PRDM11: variants seen among roughly 807,000 people sequenced by gnomAD.
PRDM11 encodes the protein PR domain-containing protein 11.
PRDM11 carries 20 observed loss-of-function variants against 97.8 expected under a neutral mutation model. That is an observed-to-expected ratio of 0.20 (90% CI 0.14 to 0.30). PRDM11 has a LOEUF of 0.30. PRDM11 is among the 10% of genes least tolerant of loss of function. PRDM11 has a pLI of 1.00. For missense variants in PRDM11, 1,139 were observed against 1,555.2 expected (o/e 0.73, Z 4.50); for synonymous variants, 599 against 637.7 (o/e 0.94, Z 0.91).
At chr11:45,158,045 C>G (rs1008399633) in intron 1 of PRDM11, among the ~76,000 whole-genome samples, 1 of 152,196 alleles carries the variant, frequency 6.6e-6, no homozygotes. Flanking sequence ...AGGGCTGAGA[C>G]CTGCCTCTGT....
chr11:45,185,660 G>A (rs1852677795), intron 4 of PRDM11, among the ~76,000 whole-genome samples: 1 of 152,156 alleles, frequency 6.6e-6, no homozygotes, highest in South Asian at 2.1e-4. Context: ...GACAAAAAAG[G>A]GGGTGGATCA....
intron 1 of PRDM11, among the ~76,000 whole-genome samples, chr11:45,111,217 C>CG (rs1565227800): frequency 2.6e-4 from 14 of 54,676 alleles, no homozygotes; most frequent in Non-Finnish European, 5.9e-4. Flanking sequence ...TACAATCCAT[C>CG]CCACCCTGTC....
At chr11:45,164,826 A>G (rs965353323) in intron 1 of PRDM11, among the ~76,000 whole-genome samples, 8 of 152,150 alleles carry the variant, frequency 5.3e-5, no homozygotes, top group South Asian at 2.1e-4. Flanking sequence ...CTGGAGTTGC[A>G]TGACCCTGAG....
chr11:45,107,621 T>C (rs1401121680), intron 1 of PRDM11, among the ~76,000 whole-genome samples: 1 of 151,710 alleles, frequency 6.6e-6, no homozygotes, highest in East Asian at 2.0e-4. Flanking sequence ...TCTAGTTGAG[T>C]GGGGGACAGG....
At chr11:45,182,377 C>T in intron 3 of PRDM11, 28 bp downstream of exon 3, 2 of 1,589,336 alleles carry the variant, frequency 1.3e-6, no homozygotes, top group South Asian at 2.2e-5. Flanking sequence ...CTCTGGGCTG[C>T]TCCTCCCTTC....
chr11:45,199,784 G>T (rs552402852), intron 4 of PRDM11, among the ~76,000 whole-genome samples: 1 of 152,336 alleles, frequency 6.6e-6, no homozygotes, highest in African/African-American at 2.4e-5. Context: ...GGGCTCATCA[G>T]TGGCATGTAA....
chr11:45,194,557 C>CTT (rs1853032768), intron 4 of PRDM11, among the ~76,000 whole-genome samples: 1 of 147,094 alleles, frequency 6.8e-6, no homozygotes, highest in African/African-American at 2.5e-5. Context: ...ATTTGTATAT[C>CTT]TCACAACAGT....
intron 1 of PRDM11, among the ~76,000 whole-genome samples, chr11:45,165,060 G>A (rs1021090672): frequency 2.0e-5 from 3 of 152,140 alleles, no homozygotes; most frequent in African/African-American, 7.2e-5. Flanking sequence ...CGGGGGTAAC[G>A]AAAGGCACAG....
chr11:45,217,352 G>A (rs1376425991), intron 5 of PRDM11, among the ~76,000 whole-genome samples: 2 of 152,102 alleles, frequency 1.3e-5, no homozygotes. Flanking sequence ...CTGGGTGCGT[G>A]GAAATCACCC....
intron 1 of PRDM11, among the ~76,000 whole-genome samples, chr11:45,129,163 A>G (rs927524144): frequency 6.6e-6 from 1 of 152,204 alleles, no homozygotes; most frequent in Non-Finnish European, 1.5e-5. Flanking sequence ...TTTCTAATCT[A>G]ATGAAGGATA....
At chr11:45,204,009 A>C (rs973868266) in intron 4 of PRDM11, among the ~76,000 whole-genome samples, 2 of 152,234 alleles carry the variant, frequency 1.3e-5, no homozygotes, top group East Asian at 3.8e-4. Context: ...CAAGAGTAAA[A>C]GGAAAGTCTT....
intron 4 of PRDM11, among the ~76,000 whole-genome samples, chr11:45,187,185 G>A (rs1852734905): frequency 6.6e-6 from 1 of 152,214 alleles, no homozygotes; most frequent in Non-Finnish European, 1.5e-5. Flanking sequence ...AGTATTGCTT[G>A]GTGATCGCAG....
At chr11:45,134,447 T>A (rs1852787744) in intron 1 of PRDM11, among the ~76,000 whole-genome samples, 1 of 152,002 alleles carries the variant, frequency 6.6e-6, no homozygotes, top group Non-Finnish European at 1.5e-5. Flanking sequence ...AGCCTGTAAT[T>A]CCAGCACTTT....
chr11:45,221,876 G>A (rs775598462), intron 6 of PRDM11, among the ~76,000 whole-genome samples: 16 of 152,142 alleles, frequency 1.1e-4, no homozygotes, highest in African/African-American at 1.4e-4. Flanking sequence ...TAGCTTCAGC[G>A]GACTCTGGTT....
intron 3 of PRDM11, 36 bp from the exon 4 acceptor site, chr11:45,182,825 C>T (rs1351933294): frequency 6.5e-7 from 1 of 1,540,002 alleles, no homozygotes; most frequent in African/African-American, 1.4e-5. Flanking sequence ...CTCCCTGCAA[C>T]AACTGAGGCC....
chr11:45,187,399 T>G (rs1253819424), intron 4 of PRDM11, among the ~76,000 whole-genome samples: 1 of 152,228 alleles, frequency 6.6e-6, no homozygotes, highest in Non-Finnish European at 1.5e-5. Flanking sequence ...TGCTAGAGTC[T>G]GTACCTTGGG....
chr11:45,229,135 A>G lies in PRDM11; in HGVS notation c.*976A>G, dbSNP rs1005560563. 6.6e-6 allele frequency: 1 copy of G among 152,238 alleles called. No homozygotes were observed. Among genetic ancestry groups the G allele is most frequent in the African/African-American group, 2.4e-5 (1 of 41,460 alleles). 9.4% of individuals were successfully genotyped at this position (152,238 alleles called of 1,614,324 possible). A position where few individuals can be genotyped will look rare whatever the true frequency, so the allele number is the denominator to read the frequency against. On this transcript the variant is annotated 3_prime_UTR_variant, in exon 8 of 8. Coordinates refer to ENST00000683152, the MANE Select transcript of PRDM11 (RefSeq NM_001384648.1). ...AAAACAAGGAAAATGAAAAGTACAT[A>G]TTCGAGTTACATGGATTATTTATAC... is the stretch of plus-strand genomic sequence containing the variant.
At chr11:45,204,638 G>T in intron 4 of PRDM11, 73 bp from the exon 5 acceptor site, 5 of 1,413,566 alleles carry the variant, frequency 3.5e-6, no homozygotes, top group Non-Finnish European at 5.0e-6. Context: ...CCTGGGCCCT[G>T]GTTGGGAAGG....
At chr11:45,144,117 C>T (rs1429319610), upstream of PRDM11, among the ~76,000 whole-genome samples, 1 of 152,248 alleles carries the variant, frequency 6.6e-6, no homozygotes, top group Non-Finnish European at 1.5e-5. Flanking sequence ...TTCCCCCAGC[C>T]TTGTTTCAGA....
Sources: allele counts gnomAD v4.1 joint callset (sites outside exome capture counted in the v4.1 genomes callset), GRCh38; gene constraint gnomAD v4.1.1; transcripts MANE v1.5; gene names NCBI Gene and HGNC (gene_info 2026-07-23, HGNC 2026-07-21).